Variants in PGBD5 observed in about 807,000 individuals in gnomAD.
PGBD5 encodes the protein piggyBac transposable element-derived protein 5.
PGBD5 carries 14 observed loss-of-function variants against 47.9 expected under a neutral mutation model. That is an observed-to-expected ratio of 0.29 (90% CI 0.19 to 0.46). The LOEUF (loss-of-function observed/expected upper bound fraction) is 0.46, where lower values mean the gene tolerates loss of function less well. PGBD5 is among the 20% of genes least tolerant of loss of function. The pLI, the probability that PGBD5 is intolerant of heterozygous loss-of-function variation, is 1.00. For synonymous variants in PGBD5, 316 were observed against 306.3 expected (o/e 1.03, Z -0.33); for missense variants, 635 against 716.0 (o/e 0.89, Z 1.29).
chr1:230,383,473 T>G (rs1225496767), intron 1 of PGBD5, among the ~76,000 whole-genome samples: 1 of 152,004 alleles, frequency 6.6e-6, no homozygotes, highest in Non-Finnish European at 1.5e-5. Context: ...CAGGCGATCC[T>G]CTTACCACAG....
chr1:230,378,383 C>T (rs186344264), intron 1 of PGBD5, among the ~76,000 whole-genome samples: 4 of 152,386 alleles, frequency 2.6e-5, no homozygotes, highest in Admixed American at 6.5e-5. Flanking sequence ...CTTCCATCCC[C>T]TAAGGTCATA....
Position 230,320,859 on chromosome 1 carries a change from T to C in PGBD5, c.*2566A>G, listed in dbSNP as rs940499722. 6.6e-6 allele frequency: 1 copy of C among 152,198 alleles called. No homozygotes were observed. Among genetic ancestry groups the C allele is most frequent in the Non-Finnish European group, 1.5e-5 (1 of 68,048 alleles). The allele number at this position is 152,198 out of a possible 1,614,324, so 9.4% of individuals were successfully genotyped here. A position where few individuals can be genotyped will look rare whatever the true frequency, so the allele number is the denominator to read the frequency against. ...CTTCTGGATGGAGAAGAGAAACTCT[T>C]CTCAGTCAACAGCATTCCTCCAGAG... is the stretch of plus-strand genomic sequence containing the variant. On this transcript the variant is annotated 3_prime_UTR_variant, in exon 7 of 7. Coordinates refer to ENST00000391860, the MANE Select transcript of PGBD5 (RefSeq NM_001258311.2).
intron 3 of PGBD5, 82 bp from the exon 4 acceptor site, chr1:230,337,370 A>C: frequency 1.1e-3 from 1,446 of 1,291,758 alleles, no homozygotes; most frequent in Non-Finnish European, 1.3e-3. Context: ...CACAGATCTC[A>C]TGGGTCTCAG....
intron 1 of PGBD5, chr1:230,362,130 G>A: frequency 8.8e-7 from 1 of 1,140,062 alleles, no homozygotes. Flanking sequence ...GCCAGTGAAG[G>A]GCTGTGAGCA....
intron 2 of PGBD5, among the ~76,000 whole-genome samples, chr1:230,354,257 T>C (rs1273896018): frequency 6.6e-6 from 1 of 152,188 alleles, no homozygotes; most frequent in African/African-American, 2.4e-5. Context: ...GTCAGACCCT[T>C]TGACTCTCCT....
chr1:230,346,410 C>T (rs185485668), intron 3 of PGBD5, among the ~76,000 whole-genome samples: 1 of 152,252 alleles, frequency 6.6e-6, no homozygotes, highest in East Asian at 1.9e-4. Flanking sequence ...CGAGGAGCTT[C>T]TGCATGCTGT....
At chr1:230,411,652 A>G (rs1657411868) in intron 1 of PGBD5, among the ~76,000 whole-genome samples, 1 of 152,230 alleles carries the variant, frequency 6.6e-6, no homozygotes, top group Non-Finnish European at 1.5e-5. Context: ...GAGAGATGAG[A>G]AATTATTAAC....
intron 1 of PGBD5, among the ~76,000 whole-genome samples, chr1:230,410,897 C>G (rs1657393567): frequency 6.6e-6 from 1 of 152,068 alleles, no homozygotes; most frequent in Non-Finnish European, 1.5e-5. Context: ...AGAAAAACCC[C>G]TCAAATGCCC....
intron 1 of PGBD5, among the ~76,000 whole-genome samples, chr1:230,383,367 AT>A (rs113475166): frequency 6.7e-6 from 1 of 148,798 alleles, no homozygotes; most frequent in Middle Eastern, 3.5e-3. Context: ...CATGCCCAGC[AT>A]TTTTTTTTTA....
intron 1 of PGBD5, among the ~76,000 whole-genome samples, chr1:230,423,077 C>G (rs537892582): frequency 2.0e-5 from 3 of 152,040 alleles, no homozygotes; most frequent in Non-Finnish European, 4.4e-5. Context: ...CATACAATAC[C>G]CAGTTACATA....
rs185049832 is a variant in PGBD5, at chr1:230,359,070, T to C, written c.332-1749A>G. 3.8e-3 allele frequency among the ~76,000 whole-genome samples: 581 copies of C among 151,782 alleles called. 3 individuals are homozygous for C. The highest frequency in any genetic ancestry group is 0.013 in the African/African-American group (555 of 41,144). On this transcript the variant is annotated intron_variant, in intron 1 of 6. Transcript: ENST00000391860. ...TTGCATCTGTATATTGATTTTTCTT[T>C]TCTTTTTTTTTTTGAGATGGAGTCT...
chr1:230,388,787 G>A (rs1025580490), intron 1 of PGBD5, among the ~76,000 whole-genome samples: 43 of 152,210 alleles, frequency 2.8e-4, no homozygotes, highest in African/African-American at 8.9e-4. Flanking sequence ...TTTCTTTGCA[G>A]GCCACGTGTT....
chr1:230,420,092 C>T (rs917898175), intron 1 of PGBD5, among the ~76,000 whole-genome samples: 1 of 152,138 alleles, frequency 6.6e-6, no homozygotes, highest in Admixed American at 6.6e-5. Context: ...TGCCATTGCA[C>T]TCCAGCCTGG....
intron 1 of PGBD5, among the ~76,000 whole-genome samples, chr1:230,387,119 A>C (rs1279931064): frequency 6.6e-6 from 1 of 152,164 alleles, no homozygotes; most frequent in Non-Finnish European, 1.5e-5. Context: ...ACTTCTCTTT[A>C]ATAAACCTTA....
chr1:230,368,824 G>C (rs1224101386), intron 1 of PGBD5, among the ~76,000 whole-genome samples: 1 of 152,244 alleles, frequency 6.6e-6, no homozygotes, highest in Non-Finnish European at 1.5e-5. Context: ...TGCACATGCA[G>C]AGGTAGGGTG....
rs1666986460 is a variant in PGBD5, at chr1:230,318,796, T to G, written c.*4629A>C. 6.6e-6 allele frequency: 1 copy of G among 152,432 alleles called. No individual in the cohort carries two copies. Among genetic ancestry groups the G allele is most frequent in the Non-Finnish European group, 1.5e-5 (1 of 68,252 alleles). 9.4% of individuals were successfully genotyped at this position (152,432 alleles called of 1,614,324 possible). On this transcript the variant is annotated 3_prime_UTR_variant, in exon 7 of 7. Coordinates refer to ENST00000391860, the MANE Select transcript of PGBD5 (RefSeq NM_001258311.2). ...ATCTGGGTGAGGAAATCGCTATGGT[T>G]CTTTCTGGCTCAGGGTCTGGTGTGG...
intron 1 of PGBD5, among the ~76,000 whole-genome samples, chr1:230,359,639 A>G (rs765122998): frequency 5.3e-5 from 8 of 152,230 alleles, no homozygotes; most frequent in Non-Finnish European, 7.4e-5. Context: ...GGACACAGGA[A>G]TACCTACTTT....
chr1:230,424,277 A>G (rs1238422926), intron 1 of PGBD5, among the ~76,000 whole-genome samples: 2 of 152,256 alleles, frequency 1.3e-5, no homozygotes, highest in Admixed American at 6.5e-5. Context: ...AATATAGGAC[A>G]GTATAAAAGG....
chr1:230,408,043 C>G (rs1657334022), intron 1 of PGBD5, among the ~76,000 whole-genome samples: 1 of 152,150 alleles, frequency 6.6e-6, no homozygotes, highest in South Asian at 2.1e-4. Flanking sequence ...GCAGAAGTAC[C>G]CTGTGTTCAC....
Sources: allele counts gnomAD v4.1 joint callset (sites outside exome capture counted in the v4.1 genomes callset), GRCh38; gene constraint gnomAD v4.1.1; transcripts MANE v1.5; gene names NCBI Gene and HGNC (gene_info 2026-07-23, HGNC 2026-07-21).